PHC2: variants seen among roughly 807,000 people sequenced by gnomAD.
The protein encoded by PHC2 is polyhomeotic homolog 2.
In PHC2, 29 loss-of-function variants were observed where a neutral mutation model predicts 87.4. The ratio of observed to expected loss-of-function variants is 0.33; its 90% CI spans 0.25 to 0.45. PHC2 has a LOEUF of 0.45. Among genes scored for constraint, PHC2 ranks in the 20% least tolerant of loss-of-function variants. The pLI is 1.00. For synonymous variants in PHC2, 438 were observed against 461.7 expected (o/e 0.95, Z 0.66); for missense variants, 857 against 1,136.7 (o/e 0.75, Z 3.54).
At chr1:33,350,075 C>T (rs889696186) in intron 9 of PHC2, among the ~76,000 whole-genome samples, 6 of 151,836 alleles carry the variant, frequency 4.0e-5, no homozygotes, top group African/African-American at 7.2e-5. Flanking sequence ...CGGGGCTCAG[C>T]TTAGGGAGGC....
At chr1:33,406,403 G>C (rs148362072) in intron 1 of PHC2, among the ~76,000 whole-genome samples, 1 of 152,004 alleles carries the variant, frequency 6.6e-6, no homozygotes. Flanking sequence ...TTGGGGCCAC[G>C]TAATTCCTTG....
intron 1 of PHC2, among the ~76,000 whole-genome samples, chr1:33,425,565 CAA>C (rs1321531020): frequency 2.0e-5 from 3 of 152,164 alleles, no homozygotes; most frequent in Non-Finnish European, 4.4e-5. Context: ...GAAGAAATAT[CAA>C]AGAGGAAGAT....
In PHC2 at chr1:33,372,336, G is replaced by T. The variant is rs1419182459; in HGVS notation, c.286C>A (p.Gln96Lys). Residue 96 changes from glutamine (Q) to lysine (K), a missense_variant, in exon 3 of 15, where the codon CAG (glutamine) becomes AAG (lysine). Coordinates refer to ENST00000683057, the MANE Select transcript of PHC2 (RefSeq NM_001385109.1). ...TGGAGCTGGGCGCTGCTGAGGTGCT[G>T]CTGCTGGAGCGCCGCGGTCTGCAGC... ...LMLQTAALQQQHLSSAQLQSL... is the reference protein window; with the variant it reads ...LMLQTAALQQKHLSSAQLQSL... The T allele has an allele frequency of 6.2e-7, 1 of 1,603,258 alleles. No homozygotes were observed. The highest frequency in any genetic ancestry group is 8.5e-7 in the Non-Finnish European group (1 of 1,173,532).
At position 33,370,456 on chromosome 1, in the gene PHC2, C is replaced by T; in HGVS notation, c.541G>A (p.Ala181Thr). Residue 181 changes from alanine (A) to threonine (T), a missense_variant, in exon 5 of 15, where the codon GCA (alanine) becomes ACA (threonine). Coordinates refer to ENST00000683057, the MANE Select transcript of PHC2 (RefSeq NM_001385109.1). ...LGNTSSPALT[A>T]SQAQMYLRAQ... ...CTCAGATACATCTGTGCTTGGCTTG[C>T]AGTCAGGGCTGGGGAAGACGTGTTG... 1 of 1,614,106 alleles carries T rather than the reference C, an allele frequency of 6.2e-7. No homozygotes were observed. Among genetic ancestry groups the T allele is most frequent in the Non-Finnish European group, 8.5e-7 (1 of 1,179,976 alleles).
chr1:33,366,505 C>T lies in PHC2; in HGVS notation c.976+611G>A, dbSNP rs1647459712. Among the ~76,000 whole-genome samples the T allele has an allele frequency of 4.6e-5, 7 of 152,316 alleles. No homozygotes were observed. In the South Asian group the frequency reaches 1.4e-3, roughly 32 times the overall value. ...CTCACTAGCAAGCCTTTCCTAGCTCCTCTCCTCAAGCCACATAGCTCTTCT... is the reference window on the plus strand; with the variant it reads ...CTCACTAGCAAGCCTTTCCTAGCTCTTCTCCTCAAGCCACATAGCTCTTCT... On this transcript the variant is annotated intron_variant, in intron 7 of 14. Transcript: ENST00000683057.
At chr1:33,403,972 C>T (rs1649649268) in intron 1 of PHC2, among the ~76,000 whole-genome samples, 1 of 152,160 alleles carries the variant, frequency 6.6e-6, no homozygotes, top group South Asian at 2.1e-4. Flanking sequence ...TTTTCATATG[C>T]TGTTCTTTCT....
At chr1:33,335,866 CT>C (rs1196562871) in intron 9 of PHC2, among the ~76,000 whole-genome samples, 2 of 151,602 alleles carry the variant, frequency 1.3e-5, no homozygotes, top group African/African-American at 4.8e-5. Flanking sequence ...CGCCACCCCC[CT>C]CCAGCCTGGG....
In PHC2 at chr1:33,328,941, T is replaced by C. The variant is rs142354689; in HGVS notation, c.2354A>G (p.His785Arg). 6.2e-7 allele frequency: 1 copy of C among 1,614,026 alleles called. No homozygotes were observed. The highest frequency in any genetic ancestry group is 1.3e-5 in the African/African-American group (1 of 74,934). ...GGTGGGCTCACTTGGCAGGAAGTGG[T>C]GTCCCATGCCCACCAGGTCCCGCAT... ...MHMRDLVGMG[H>R]HFLPSEPTKW... Residue 785 changes from histidine (H) to arginine (R), a missense_variant, in exon 14 of 15, where the codon CAC (histidine) becomes CGC (arginine). His to Arg is a conservative substitution (Grantham distance 29). Transcript: ENST00000683057.
Position 33,334,298 on chromosome 1 carries a change from CGAGA to C in PHC2, c.1559-10_1559-7del, listed in dbSNP as rs887513509. The C allele has an allele frequency of 3.7e-6, 6 of 1,611,334 alleles. No individual in the cohort carries two copies. The African/African-American group carries it at 4.0e-5, about 11-fold the overall frequency. On this transcript the variant is annotated splice_polypyrimidine_tract_variant and splice_region_variant and intron_variant, in intron 9 of 14. Coordinates refer to ENST00000683057, the MANE Select transcript of PHC2 (RefSeq NM_001385109.1). The surrounding 1 kb of genome is among the most constrained non-coding windows in gnomAD (Gnocchi z 5.5). Reference sequence around the variant, plus strand: ...AACAATGCCCTGCCCTGTCTCTGCACGAGAGAGAGTAGGAAAACAAAGCAGGGGA... The same window carrying C: ...AACAATGCCCTGCCCTGTCTCTGCACGAGAGTAGGAAAACAAAGCAGGGGA...
intron 1 of PHC2, among the ~76,000 whole-genome samples, chr1:33,387,763 G>A (rs1197943473): frequency 2.0e-5 from 3 of 152,194 alleles, no homozygotes; most frequent in East Asian, 1.9e-4. Context: ...TGCTTATTCC[G>A]ATCCAGGCCT....
intron 9 of PHC2, among the ~76,000 whole-genome samples, chr1:33,338,382 TCAA>T (rs1646681125): frequency 1.3e-5 from 2 of 152,208 alleles, no homozygotes; most frequent in African/African-American, 4.8e-5. Context: ...CCAGGGCAGA[TCAA>T]AGGAGAGACA....
At chr1:33,373,940 T>C (rs10429859) in intron 2 of PHC2, among the ~76,000 whole-genome samples, 26,241 of 152,184 alleles carry the variant, frequency 0.17, 2,797 homozygotes, top group South Asian at 0.27. Flanking sequence ...CCTGTTGTTA[T>C]AGCAGATCCT....
intron 7 of PHC2, among the ~76,000 whole-genome samples, chr1:33,360,236 T>A (rs992991458): frequency 2.0e-5 from 3 of 152,274 alleles, no homozygotes; most frequent in Non-Finnish European, 4.4e-5. Flanking sequence ...AGTCTGATTA[T>A]GCTTGAAGGT....
chr1:33,350,145 G>A (rs574786780), intron 9 of PHC2, among the ~76,000 whole-genome samples: 1 of 152,180 alleles, frequency 6.6e-6, no homozygotes, highest in Non-Finnish European at 1.5e-5. Context: ...TTGGCGGGGC[G>A]GCCCGCGACT....
chr1:33,423,432 G>A (rs116179734), intron 1 of PHC2, among the ~76,000 whole-genome samples: 1 of 152,102 alleles, frequency 6.6e-6, no homozygotes, highest in African/African-American at 2.4e-5. Context: ...AGGATCTCAT[G>A]ATTTTAGCCA....
At position 33,343,339 on chromosome 1, in the gene PHC2, G is replaced by A. The variant is rs181274336; in HGVS notation, c.1559-9047C>T. The stretch of plus-strand genomic sequence containing the variant: ...AAAATAAATAACTGGGTGTGGTGGC[G>A]AGCGCCTGTAGTCCCCGCTACTCGG... On this transcript the variant is annotated intron_variant, in intron 9 of 14. Transcript: ENST00000683057. Among the ~76,000 whole-genome samples, 9 of 151,682 alleles carry A rather than the reference G, an allele frequency of 5.9e-5. No homozygotes were observed. The East Asian group carries it at 1.4e-3, about 23-fold the overall frequency.
intron 1 of PHC2, among the ~76,000 whole-genome samples, chr1:33,402,140 C>T (rs905262929): frequency 6.6e-6 from 1 of 152,134 alleles, no homozygotes; most frequent in African/African-American, 2.4e-5. Flanking sequence ...GAAAAATGGG[C>T]ATCACACTTG....
At chr1:33,345,572 G>A (rs953996857) in intron 9 of PHC2, 4 of 984,868 alleles carry the variant, frequency 4.1e-6, no homozygotes, top group Non-Finnish European at 3.6e-6. Flanking sequence ...TCAGAGCAAC[G>A]GTTTATGACT....
At position 33,396,803 on chromosome 1, in the gene PHC2, G is replaced by C. The variant is rs116383772; in HGVS notation, c.-54-21210C>G. ...AGAGTTTTCACAAAAATTTGAGGTAGAGGCTTTGCAAGCTGAGATGCATTT... is the reference window on the plus strand; with the variant it reads ...AGAGTTTTCACAAAAATTTGAGGTACAGGCTTTGCAAGCTGAGATGCATTT... On this transcript the variant is annotated intron_variant, in intron 1 of 14. Coordinates refer to ENST00000683057, the MANE Select transcript of PHC2 (RefSeq NM_001385109.1). Among the ~76,000 whole-genome samples the C allele has an allele frequency of 7.6e-3, 1,152 of 152,334 alleles. 12 individuals are homozygous for C. The highest frequency in any genetic ancestry group is 0.027 in the African/African-American group (1,105 of 41,570).
Sources: allele counts gnomAD v4.1 joint callset (sites outside exome capture counted in the v4.1 genomes callset), GRCh38; gene constraint gnomAD v4.1.1; non-coding constraint Gnocchi (gnomAD v3.1); transcripts MANE v1.5; gene names NCBI Gene and HGNC (gene_info 2026-07-23, HGNC 2026-07-21).